ADGRB3: variants seen among roughly 807,000 people sequenced by gnomAD.
The protein encoded by ADGRB3 is adhesion G protein-coupled receptor B3.
A neutral mutation model predicts 193.4 loss-of-function variants in ADGRB3; 37 were observed. The ratio of observed to expected loss-of-function variants is 0.19; its 90% CI spans 0.15 to 0.25. The LOEUF is 0.25. Ranked by LOEUF, ADGRB3 falls within the 10% of genes least tolerant of loss-of-function variation. ADGRB3 has a pLI of 1.00. For missense variants in ADGRB3, 1,637 were observed against 1,852.9 expected (o/e 0.88, Z 2.14); for synonymous variants, 690 against 644.2 (o/e 1.07, Z -1.08).
chr6:69,300,227 A>G (rs534026301), intron 20 of ADGRB3, among the ~76,000 whole-genome samples: 1 of 151,932 alleles, frequency 6.6e-6, no homozygotes, highest in African/African-American at 2.4e-5. Flanking sequence ...CTATATGATC[A>G]TCTCAATAGA....
At chr6:68,667,192 TATAATC>T (rs1412976049) in intron 3 of ADGRB3, among the ~76,000 whole-genome samples, 3 of 152,044 alleles carry the variant, frequency 2.0e-5, no homozygotes, top group East Asian at 1.9e-4. Flanking sequence ...AAGTTCAACT[TATAATC>T]ATAATTGTAG....
chr6:69,156,838 C>T (rs314206), intron 17 of ADGRB3, among the ~76,000 whole-genome samples: 142,522 of 152,282 alleles, frequency 0.94, 67,223 homozygotes, highest in Non-Finnish European at 1. Context: ...AAGTCTTTTT[C>T]TCTTTGGTTT....
At chr6:68,682,434 T>A (rs1689316959) in intron 3 of ADGRB3, among the ~76,000 whole-genome samples, 2 of 152,240 alleles carry the variant, frequency 1.3e-5, no homozygotes, top group South Asian at 4.1e-4. Context: ...ATTACTGTAA[T>A]ACTTTTATTT....
chr6:69,325,790 G>C (rs528565950), intron 21 of ADGRB3, among the ~76,000 whole-genome samples: 6 of 152,268 alleles, frequency 3.9e-5, no homozygotes, highest in African/African-American at 1.2e-4. Flanking sequence ...AATTATTTAG[G>C]CTGGAAAAAT....
At chr6:68,671,865 G>T (rs1181990992) in intron 3 of ADGRB3, among the ~76,000 whole-genome samples, 1 of 151,920 alleles carries the variant, frequency 6.6e-6, no homozygotes, top group Non-Finnish European at 1.5e-5. Context: ...TAAGTATTTG[G>T]TAGAATTCAG....
At chr6:68,920,512 CAAAA>C (rs5877180) in intron 3 of ADGRB3, among the ~76,000 whole-genome samples, 690 of 68,918 alleles carry the variant, frequency 0.01, 1 homozygote, top group African/African-American at 0.015. Flanking sequence ...GACTCTGTAT[CAAAA>C]AAAAAAAAAA....
At chr6:68,829,384 G>A (rs1767911607) in intron 3 of ADGRB3, among the ~76,000 whole-genome samples, 2 of 151,986 alleles carry the variant, frequency 1.3e-5, no homozygotes, top group South Asian at 4.1e-4. Context: ...ATACAAGCAT[G>A]AGCCACCGCA....
intron 3 of ADGRB3, among the ~76,000 whole-genome samples, chr6:68,731,561 G>GT (rs1350648597): frequency 6.6e-6 from 1 of 151,360 alleles, no homozygotes; most frequent in African/African-American, 2.4e-5. Flanking sequence ...AAATAAATAT[G>GT]TTTTTTTCAC....
At chr6:69,265,531 G>A (rs1177769970) in intron 20 of ADGRB3, among the ~76,000 whole-genome samples, 1 of 151,840 alleles carries the variant, frequency 6.6e-6, no homozygotes, top group Non-Finnish European at 1.5e-5. Flanking sequence ...AATTTGATTA[G>A]AATTTAACTT....
chr6:68,799,475 A>G (rs1285355553), intron 3 of ADGRB3, among the ~76,000 whole-genome samples: 3 of 152,240 alleles, frequency 2.0e-5, no homozygotes, highest in African/African-American at 7.2e-5. Flanking sequence ...AGTACTGTGT[A>G]TACAAAACAT....
chr6:69,244,502 A>T (rs560835874), intron 20 of ADGRB3, among the ~76,000 whole-genome samples: 27 of 152,034 alleles, frequency 1.8e-4, no homozygotes. Context: ...TACATGCCTG[A>T]CCTCTAAATA....
chr6:69,120,026 G>T (rs1172765906), intron 17 of ADGRB3, among the ~76,000 whole-genome samples: 1 of 152,112 alleles, frequency 6.6e-6, no homozygotes. Context: ...AGATTCCAAA[G>T]ATCATTTGAA....
intron 20 of ADGRB3, among the ~76,000 whole-genome samples, chr6:69,292,090 C>T (rs957795741): frequency 1.1e-4 from 16 of 152,146 alleles, no homozygotes; most frequent in African/African-American, 3.9e-4. Context: ...GTCATCAAAC[C>T]TCGCATAAAA....
intron 3 of ADGRB3, among the ~76,000 whole-genome samples, chr6:68,850,542 T>C (rs967573467): frequency 6.6e-6 from 1 of 150,782 alleles, no homozygotes; most frequent in Admixed American, 6.7e-5. Flanking sequence ...GTAGGCCATG[T>C]CTTATTGTTG....
intron 16 of ADGRB3, among the ~76,000 whole-genome samples, chr6:69,063,699 A>G (rs902182079): frequency 1.3e-5 from 2 of 152,034 alleles, no homozygotes; most frequent in African/African-American, 4.8e-5. Flanking sequence ...AAAATCTTTC[A>G]TCTCAGAATG....
At chr6:68,680,731 G>A (rs1280145052) in intron 3 of ADGRB3, among the ~76,000 whole-genome samples, 1 of 152,032 alleles carries the variant, frequency 6.6e-6, no homozygotes, top group East Asian at 1.9e-4. Flanking sequence ...CAGATAAGTA[G>A]GTAAATCATA....
chr6:68,748,497 A>G (rs1766128720), intron 3 of ADGRB3, among the ~76,000 whole-genome samples: 1 of 152,186 alleles, frequency 6.6e-6, no homozygotes, highest in Admixed American at 6.5e-5. Flanking sequence ...AACAATCTCC[A>G]TTGAGTCCAG....
chr6:69,016,721 CTATT>C (rs1204075355), intron 12 of ADGRB3, among the ~76,000 whole-genome samples: 2 of 151,784 alleles, frequency 1.3e-5, no homozygotes, highest in Non-Finnish European at 2.9e-5. Context: ...TTGTAGGAGA[CTATT>C]TAGCTTTTAA....
intron 3 of ADGRB3, among the ~76,000 whole-genome samples, chr6:68,801,677 G>A (rs1178544403): frequency 6.6e-6 from 1 of 151,872 alleles, no homozygotes; most frequent in Admixed American, 6.6e-5. Context: ...CAACAAGAGC[G>A]AAACTCCATC....
Sources: allele counts gnomAD v4.1 joint callset (sites outside exome capture counted in the v4.1 genomes callset), GRCh38; gene constraint gnomAD v4.1.1; transcripts MANE v1.5; gene names NCBI Gene and HGNC (gene_info 2026-07-23, HGNC 2026-07-21).